The following SCFD2 variants were observed in gnomAD, a reference collection of about 807,000 sequenced individuals.
SCFD2 encodes the protein sec1 family domain containing 2.
In SCFD2, 54 loss-of-function variants were observed where a neutral mutation model predicts 58.9. That is an observed-to-expected ratio of 0.92 (90% confidence interval 0.74 to 1.15). The LOEUF is 1.15. SCFD2 is among the 50% of genes most tolerant of loss of function. SCFD2 has a pLI of 0.00. For missense variants in SCFD2, 805 were observed against 836.6 expected (o/e 0.96, Z 0.47); for synonymous variants, 321 against 335.9 (o/e 0.96, Z 0.49).
At chr4:52,972,537 A>T (rs1333856547) in intron 5 of SCFD2, among the ~76,000 whole-genome samples, 2 of 152,154 alleles carry the variant, frequency 1.3e-5, no homozygotes, top group Non-Finnish European at 1.5e-5. Flanking sequence ...GAGACCTACA[A>T]AGAGACTTAG....
chr4:53,246,285 A>T (rs1289883884), intron 4 of SCFD2, among the ~76,000 whole-genome samples: 1 of 152,248 alleles, frequency 6.6e-6, no homozygotes, highest in Non-Finnish European at 1.5e-5. Context: ...CAATGTACAG[A>T]TTCAATGCTA....
intron 5 of SCFD2, among the ~76,000 whole-genome samples, chr4:52,947,569 G>C (rs903246202): frequency 4.6e-5 from 7 of 152,102 alleles, no homozygotes; most frequent in African/African-American, 1.7e-4. Flanking sequence ...TATTGGCACA[G>C]GGATAGACAC....
intron 2 of SCFD2, among the ~76,000 whole-genome samples, chr4:53,331,070 A>C (rs1733443213): frequency 1.3e-5 from 2 of 151,894 alleles, no homozygotes; most frequent in African/African-American, 4.8e-5. Context: ...TATGCACCCA[A>C]TACAGGAGCA....
chr4:53,345,044 G>A (rs1386383069), intron 2 of SCFD2, among the ~76,000 whole-genome samples: 1 of 152,174 alleles, frequency 6.6e-6, no homozygotes, highest in African/African-American at 2.4e-5. Context: ...CATGGGCAAA[G>A]ACTTCATGAC....
At chr4:53,133,626 TTTA>T (rs1358177438) in intron 5 of SCFD2, among the ~76,000 whole-genome samples, 1 of 152,224 alleles carries the variant, frequency 6.6e-6, no homozygotes, top group African/African-American at 2.4e-5. Context: ...CAAATAGATT[TTTA>T]CTACTGGTTG....
chr4:53,164,411 T>A (rs1726943008), intron 4 of SCFD2, among the ~76,000 whole-genome samples: 1 of 152,168 alleles, frequency 6.6e-6, no homozygotes, highest in Non-Finnish European at 1.5e-5. Flanking sequence ...ACAGTAGCTC[T>A]ACGTGCCTAG....
chr4:53,168,179 C>A (rs1727065351), intron 4 of SCFD2, among the ~76,000 whole-genome samples: 1 of 152,170 alleles, frequency 6.6e-6, no homozygotes, highest in Admixed American at 6.5e-5. Context: ...GGCTTCCTTG[C>A]AGGAATCCAG....
intron 3 of SCFD2, among the ~76,000 whole-genome samples, chr4:53,287,939 A>G (rs1033424367): frequency 3.3e-5 from 5 of 152,090 alleles, no homozygotes; most frequent in Non-Finnish European, 4.4e-5. Flanking sequence ...GAATTCAATG[A>G]ATTAAAAAAA....
intron 5 of SCFD2, among the ~76,000 whole-genome samples, chr4:53,103,798 G>C (rs1292191146): frequency 7.0e-6 from 1 of 143,324 alleles, no homozygotes; most frequent in East Asian, 2.0e-4. Context: ...AAAGGCATGG[G>C]GTAGGGGATG....
intron 5 of SCFD2, among the ~76,000 whole-genome samples, chr4:53,004,044 T>C (rs992996084): frequency 2.6e-5 from 4 of 152,256 alleles, no homozygotes; most frequent in African/African-American, 7.2e-5. Context: ...CTCTTCAAAA[T>C]GAATGCTCTG....
At chr4:53,174,416 A>T in intron 4 of SCFD2, among the ~76,000 whole-genome samples, 1 of 152,206 alleles carries the variant, frequency 6.6e-6, no homozygotes, top group Non-Finnish European at 1.5e-5. Flanking sequence ...AAATATATAT[A>T]CATACACATC....
At chr4:53,016,593 G>C (rs1188887736) in intron 5 of SCFD2, among the ~76,000 whole-genome samples, 1 of 152,162 alleles carries the variant, frequency 6.6e-6, no homozygotes, top group East Asian at 1.9e-4. Context: ...CTTTAGTCAT[G>C]AGTATTCGAA....
At chr4:53,178,210 G>C (rs1004228644) in intron 4 of SCFD2, among the ~76,000 whole-genome samples, 11 of 152,254 alleles carry the variant, frequency 7.2e-5, no homozygotes, top group South Asian at 4.1e-4. Context: ...CCTCAAGTGG[G>C]TCCCTGACCC....
intron 7 of SCFD2, among the ~76,000 whole-genome samples, chr4:52,894,799 G>A (rs938568853): frequency 2.0e-5 from 3 of 152,222 alleles, no homozygotes; most frequent in Non-Finnish European, 4.4e-5. Context: ...AAATGATCTA[G>A]TGGGTATACC....
At chr4:53,037,181 C>G (rs1941433106) in intron 5 of SCFD2, among the ~76,000 whole-genome samples, 1 of 151,974 alleles carries the variant, frequency 6.6e-6, no homozygotes, top group Non-Finnish European at 1.5e-5. Context: ...GGCCACTTCC[C>G]AAAGGAATAT....
chr4:52,968,450 C>T (rs993192121), intron 5 of SCFD2, among the ~76,000 whole-genome samples: 1 of 152,192 alleles, frequency 6.6e-6, no homozygotes, highest in Non-Finnish European at 1.5e-5. Context: ...ATCTGGTCTT[C>T]CAATCTGTGG....
chr4:53,200,154 A>T (rs1728185198), intron 4 of SCFD2, among the ~76,000 whole-genome samples: 1 of 152,144 alleles, frequency 6.6e-6, no homozygotes, highest in African/African-American at 2.4e-5. Flanking sequence ...GGCAGAACAC[A>T]ATTCAGTCTA....
intron 4 of SCFD2, among the ~76,000 whole-genome samples, chr4:53,234,290 T>C (rs1043980530): frequency 5.3e-5 from 8 of 152,218 alleles, no homozygotes; most frequent in African/African-American, 1.9e-4. Flanking sequence ...TTTTCAGCTT[T>C]TCCCCTCCAC....
Position 53,099,882 on chromosome 4 carries a change from T to G in SCFD2, c.1561+45451A>C, listed in dbSNP as rs573952710. On this transcript the variant is annotated intron_variant, in intron 5 of 8. Transcript: ENST00000401642. ...GCAGAGGATTTTTGTCCTTAATTTT[T>G]TAAAAAATTATTTATGGGTAAGAGG... Among the ~76,000 whole-genome samples the G allele has an allele frequency of 1.2e-4, 19 of 152,184 alleles. 1 individual carries two copies. The South Asian group carries it at 3.7e-3, about 30-fold the overall frequency.
Sources: allele counts gnomAD v4.1 joint callset (sites outside exome capture counted in the v4.1 genomes callset), GRCh38; gene constraint gnomAD v4.1.1; transcripts MANE v1.5; gene names NCBI Gene and HGNC (gene_info 2026-07-23, HGNC 2026-07-21).